Variants in SMYD3 observed in about 807,000 individuals in gnomAD.
SMYD3 encodes SET and MYND domain containing 3.
SMYD3 carries 36 observed loss-of-function variants against 57.7 expected under a neutral mutation model. The observed-to-expected ratio is 0.62, with a 90% confidence interval of 0.48 to 0.82. The LOEUF (loss-of-function observed/expected upper bound fraction) is 0.82, where lower values mean the gene tolerates loss of function less well. SMYD3 is among the 40% of genes least tolerant of loss of function. The pLI is 0.00. For missense variants in SMYD3, 515 were observed against 538.8 expected (o/e 0.96, Z 0.44); for synonymous variants, 211 against 195.0 (o/e 1.08, Z -0.68).
intron 5 of SMYD3, among the ~76,000 whole-genome samples, chr1:246,182,430 A>C (rs1558295463): frequency 6.6e-6 from 1 of 152,062 alleles, no homozygotes; most frequent in Admixed American, 6.6e-5. Context: ...ATTCTAACCA[A>C]TCTCCCACAC....
chr1:245,972,775 G>A (rs972241694), intron 5 of SMYD3, among the ~76,000 whole-genome samples: 1 of 152,182 alleles, frequency 6.6e-6, no homozygotes, highest in African/African-American at 2.4e-5. Context: ...GGGCGGTGGA[G>A]CAACACCATG....
chr1:246,158,126 G>A (rs569627543), intron 5 of SMYD3, among the ~76,000 whole-genome samples: 1 of 152,320 alleles, frequency 6.6e-6, no homozygotes, highest in Admixed American at 6.5e-5. Flanking sequence ...CCACAGTCGA[G>A]GGTATGACTG....
chr1:246,425,967 T>C (rs1044483752), intron 1 of SMYD3: 2 of 152,232 alleles, frequency 1.3e-5, no homozygotes, highest in Non-Finnish European at 1.5e-5. Context: ...TTCTTGCTAT[T>C]GTAAATGGGG....
At chr1:245,965,585 C>A (rs1361540746) in intron 5 of SMYD3, among the ~76,000 whole-genome samples, 2 of 152,154 alleles carry the variant, frequency 1.3e-5, no homozygotes, top group Non-Finnish European at 2.9e-5. Flanking sequence ...CATCAAAGGA[C>A]ATGGTAGAAC....
chr1:246,100,830 T>C (rs2060996005), intron 5 of SMYD3, among the ~76,000 whole-genome samples: 1 of 152,084 alleles, frequency 6.6e-6, no homozygotes, highest in Non-Finnish European at 1.5e-5. Flanking sequence ...CTATTCTCTA[T>C]GCAACTTCTT....
rs139244852 is a variant in SMYD3 at position 245,846,746 on chromosome 1, C to T, written c.1076+11750G>A. On this transcript the variant is annotated intron_variant, in intron 10 of 11. Transcript: ENST00000490107. The stretch of plus-strand genomic sequence containing the variant: ...GTTAAAGAAAGTTGAAAGGTAGAGT[C>T]CTTAAAGTCCTTTCACCTACTCCCC... Among the ~76,000 whole-genome samples the T allele has an allele frequency of 9.1e-3, 1,381 of 152,292 alleles. 25 individuals are homozygous for T. Among genetic ancestry groups the T allele is most frequent in the African/African-American group, 0.032 (1,317 of 41,556 alleles).
chr1:246,144,462 G>T (rs2148127916), intron 5 of SMYD3, among the ~76,000 whole-genome samples: 1 of 152,246 alleles, frequency 6.6e-6, no homozygotes, highest in Admixed American at 6.5e-5. Context: ...TTATACCCTA[G>T]AAGAAAGTAA....
chr1:246,184,661 T>C (rs1311239486), intron 5 of SMYD3, among the ~76,000 whole-genome samples: 1 of 152,072 alleles, frequency 6.6e-6, no homozygotes, highest in African/African-American at 2.4e-5. Context: ...CCTGACACAA[T>C]AGGATTAGTG....
At chr1:245,751,574 G>C (rs78309048) in intron 11 of SMYD3, among the ~76,000 whole-genome samples, 2 of 108,868 alleles carry the variant, frequency 1.8e-5, no homozygotes, top group African/African-American at 1.1e-4. Context: ...CAGAGAGAAA[G>C]AGAAAGAGAG....
rs191745860 is a variant in SMYD3, at chr1:245,839,799, G to C, written c.1076+18697C>G. Among the ~76,000 whole-genome samples the C allele has an allele frequency of 2.6e-3, 398 of 151,996 alleles. 2 individuals are homozygous for C. Among genetic ancestry groups the C allele is most frequent in the African/African-American group, 9.1e-3 (376 of 41,458 alleles). On this transcript the variant is annotated intron_variant, in intron 10 of 11. Transcript: ENST00000490107. ...CAAGAGAAAGCAGAATTAATAAGCA[G>C]GGGGAAAAATGAAGAACACTCAGTT...
intron 5 of SMYD3, among the ~76,000 whole-genome samples, chr1:246,209,662 A>G (rs2063056826): frequency 6.6e-6 from 1 of 152,032 alleles, no homozygotes; most frequent in Admixed American, 6.5e-5. Flanking sequence ...GGCAGTTTGA[A>G]ATTTCCGTCT....
rs992372181 is a variant in SMYD3 at position 246,478,240 on chromosome 1, A to C, written c.164+28814T>G. Among the ~76,000 whole-genome samples, 14 of 152,394 alleles carry C rather than the reference A, an allele frequency of 9.2e-5. 1 individual carries two copies. Among genetic ancestry groups the C allele is most frequent in the African/African-American group, 2.9e-4 (12 of 41,596 alleles). ...GATGCTTTAAATGATAGGAGATTTC[A>C]CTGCATCTTTGGACAGTCACCTAAA... On this transcript the variant is annotated intron_variant, in intron 1 of 11. Coordinates refer to ENST00000490107, the MANE Select transcript of SMYD3 (RefSeq NM_001167740.2).
At chr1:245,930,054 A>AGAGCC in intron 5 of SMYD3, 117 bp from the exon 6 acceptor site, 1 of 791,118 alleles carries the variant, frequency 1.3e-6, no homozygotes, top group Non-Finnish European at 2.2e-6. Flanking sequence ...TGCTTAAGAA[A>AGAGCC]GAGCCAAGCC....
intron 10 of SMYD3, among the ~76,000 whole-genome samples, chr1:245,849,423 T>C (rs1239229316): frequency 1.3e-5 from 2 of 152,070 alleles, no homozygotes; most frequent in African/African-American, 2.4e-5. Flanking sequence ...TTGAGGGGGT[T>C]TGGGGGGCAG....
intron 8 of SMYD3, among the ~76,000 whole-genome samples, chr1:245,886,560 G>C (rs754572238): frequency 6.6e-6 from 1 of 152,082 alleles, no homozygotes. Context: ...ATGAGTATTT[G>C]AAACAAACCG....
intron 5 of SMYD3, among the ~76,000 whole-genome samples, chr1:246,264,789 T>A (rs2064072922): frequency 6.6e-6 from 1 of 152,210 alleles, no homozygotes; most frequent in Non-Finnish European, 1.5e-5. Context: ...AAGGTGAAAG[T>A]AAATATCTAC....
intron 8 of SMYD3, among the ~76,000 whole-genome samples, chr1:245,892,557 T>A (rs1369399087): frequency 6.6e-6 from 1 of 152,228 alleles, no homozygotes; most frequent in East Asian, 1.9e-4. Context: ...GGATTTCATG[T>A]CTCTGGCCAG....
chr1:246,485,353 T>C (rs1425095405), intron 1 of SMYD3, among the ~76,000 whole-genome samples: 1 of 152,250 alleles, frequency 6.6e-6, no homozygotes, highest in Non-Finnish European at 1.5e-5. Flanking sequence ...CAGAGTTTTA[T>C]AGATAAAATC....
intron 8 of SMYD3, among the ~76,000 whole-genome samples, chr1:245,901,193 C>A (rs2054159502): frequency 6.6e-6 from 1 of 152,098 alleles, no homozygotes; most frequent in East Asian, 1.9e-4. Flanking sequence ...ATCTGGGTGT[C>A]AGACTTGGTT....
Sources: allele counts gnomAD v4.1 joint callset (sites outside exome capture counted in the v4.1 genomes callset), GRCh38; gene constraint gnomAD v4.1.1; transcripts MANE v1.5; gene names NCBI Gene and HGNC (gene_info 2026-07-23, HGNC 2026-07-21).